The following H2BC5 variants were observed in gnomAD, a reference collection of about 807,000 sequenced individuals.
H2BC5 encodes the protein H2B clustered histone 5.
A neutral mutation model predicts 5.7 loss-of-function variants in H2BC5; 9 were observed. The observed-to-expected ratio is 1.57, with a 90% CI of 0.95 to 2.74. The LOEUF (loss-of-function observed/expected upper bound fraction) is 2.74, where lower values mean the gene tolerates loss of function less well. Among genes scored for constraint, H2BC5 ranks in the 30% most tolerant of loss-of-function variants. H2BC5 has a pLI of 0.00. For synonymous variants in H2BC5, 133 were observed against 70.9 expected, an observed-to-expected ratio of 1.88 and a Z score of -4.40; for missense variants, 175 against 168.8, an observed-to-expected ratio of 1.04 and a Z score of -0.20.
At chr6:26,161,742 A>C (rs1055136593), downstream of H2BC5, among the ~76,000 whole-genome samples, 1 of 152,186 alleles carries the variant, frequency 6.6e-6, no homozygotes, top group Non-Finnish European at 1.5e-5. Context: ...ACTGCACTCC[A>C]GCCTGGGCAA....
chr6:26,166,211 T>C (rs1355384632), intron 1 of H2BC5, among the ~76,000 whole-genome samples: 1 of 152,226 alleles, frequency 6.6e-6, no homozygotes, highest in Non-Finnish European at 1.5e-5. Flanking sequence ...GCCTGTTACC[T>C]TGGCATCTCA....
At chr6:26,162,357 C>A (rs897749678), downstream of H2BC5, among the ~76,000 whole-genome samples, 2 of 152,088 alleles carry the variant, frequency 1.3e-5, no homozygotes, top group African/African-American at 4.8e-5. Context: ...TTGCTTTAAT[C>A]ATCTTACTGT....
At chr6:26,168,288 G>A (rs1373085016) in intron 1 of H2BC5, among the ~76,000 whole-genome samples, 6 of 151,870 alleles carry the variant, frequency 4.0e-5, no homozygotes, top group Non-Finnish European at 8.8e-5. Context: ...GAGAAACCCC[G>A]TCTCTACTAA....
intron 1 of H2BC5, among the ~76,000 whole-genome samples, chr6:26,164,715 C>G (rs1764395398): frequency 6.6e-6 from 1 of 152,038 alleles, no homozygotes; most frequent in Non-Finnish European, 1.5e-5. Flanking sequence ...TCTTCCTGCT[C>G]CCCTTCCAGC....
In H2BC5 at chr6:26,158,149, G is replaced by A; in HGVS notation, c.-21G>A. ...TATTTTCTCAGGTGTTTGCAACAGTGTTCTAACTATTAACGCTACGATGCC... is the reference window on the plus strand; with the variant it reads ...TATTTTCTCAGGTGTTTGCAACAGTATTCTAACTATTAACGCTACGATGCC... On this transcript the variant is annotated 5_prime_UTR_variant, in exon 1 of 1. Coordinates refer to ENST00000377777, the MANE Select transcript of H2BC5 (RefSeq NM_021063.4). 6.2e-7 allele frequency: 1 copy of A among 1,607,378 alleles called. No homozygotes were observed. The highest frequency in any genetic ancestry group is 1.1e-5 in the South Asian group (1 of 90,426).
Position 26,158,442 on chromosome 6 carries a change from C to T in H2BC5, c.273C>T (p.Thr91=), listed in dbSNP as rs757704436. 2.0e-5 allele frequency: 33 copies of T among 1,614,280 alleles called. No homozygotes were observed. Among genetic ancestry groups the T allele is most frequent in the African/African-American group, 8.0e-5 (6 of 75,070 alleles). ...ATTACAACAAGCGCTCGACCATCAC[C>T]TCCAGGGAGATCCAGACGGCCGTGC... ...LAHYNKRSTI[T]SREIQTAVRL... is the part of the protein sequence containing the mutation. Residue 91 remains threonine (T), a synonymous_variant, in exon 1 of 1, where the codon ACC becomes ACT. Coordinates refer to ENST00000377777, the MANE Select transcript of H2BC5 (RefSeq NM_021063.4).
At chr6:26,159,137 A>G (rs1402640719), downstream of H2BC5, among the ~76,000 whole-genome samples, 1 of 151,958 alleles carries the variant, frequency 6.6e-6, no homozygotes, top group Non-Finnish European at 1.5e-5. Flanking sequence ...TGGGGCAGGG[A>G]AAGGCGGATC....
chr6:26,158,718 G>C, downstream of H2BC5: 1 of 1,131,732 alleles, frequency 8.8e-7, no homozygotes, highest in Non-Finnish European at 1.2e-6. Flanking sequence ...AAATAACTTG[G>C]AAGTTACAGG....
At chr6:26,169,325 G>C (rs1311913820) in intron 1 of H2BC5, among the ~76,000 whole-genome samples, 1 of 152,060 alleles carries the variant, frequency 6.6e-6, no homozygotes, top group East Asian at 1.9e-4. Context: ...TGACCTCCTG[G>C]AGCCCTCAGT....
Position 26,158,465 on chromosome 6 carries a change from T to C in H2BC5, c.296T>C (p.Val99Ala). The change falls in exon 1 of 1, where the codon GTG becomes GCG. Residue 99 changes from valine to alanine, a missense_variant. Val to Ala is a moderately conservative substitution (Grantham distance 64). This residue lies in a region of H2BC5 where 43 missense variants were observed against 37.7 expected (regional missense o/e 1.14). Coordinates refer to ENST00000377777, the MANE Select transcript of H2BC5 (RefSeq NM_021063.4). ...ACCTCCAGGGAGATCCAGACGGCCG[T>C]GCGCCTGCTGCTTCCGGGGGAGCTG... ...TITSREIQTA[V>A]RLLLPGELAK... The C allele has an allele frequency of 6.2e-7, 1 of 1,614,220 alleles. No homozygotes were observed. Among genetic ancestry groups the C allele is most frequent in the Non-Finnish European group, 8.5e-7 (1 of 1,180,036 alleles).
At chr6:26,161,955 A>C (rs530454317), downstream of H2BC5, among the ~76,000 whole-genome samples, 1 of 152,314 alleles carries the variant, frequency 6.6e-6, no homozygotes, top group African/African-American at 2.4e-5. Flanking sequence ...TAATATAAGA[A>C]AATAAAAATT....
chr6:26,163,996 T>C (rs895972316), intron 1 of H2BC5: 3 of 344,958 alleles, frequency 8.7e-6, no homozygotes, highest in African/African-American at 4.4e-5. Flanking sequence ...AGAAGTAGAA[T>C]TAAGCTACAC....
chr6:26,161,703 T>C (rs187700663), downstream of H2BC5, among the ~76,000 whole-genome samples: 1 of 152,136 alleles, frequency 6.6e-6, no homozygotes, highest in African/African-American at 2.4e-5. Context: ...GCTAGGGAAA[T>C]CAAGGCTGCA....
chr6:26,159,504 A>G (rs1305239690), downstream of H2BC5, among the ~76,000 whole-genome samples: 3 of 152,092 alleles, frequency 2.0e-5, no homozygotes, highest in African/African-American at 7.2e-5. Context: ...GGATGATGAC[A>G]AAAGGTTTTC....
chr6:26,166,334 T>C (rs1047181685), intron 1 of H2BC5, among the ~76,000 whole-genome samples: 1 of 152,208 alleles, frequency 6.6e-6, no homozygotes, highest in Admixed American at 6.5e-5. Context: ...GCTATGACAG[T>C]GGAATCTGAG....
At position 26,158,430 on chromosome 6, in the gene H2BC5, C is replaced by T. The variant is rs758923227; in HGVS notation, c.261C>T (p.Arg87=). Residue 87 remains arginine (R), a synonymous_variant, in exon 1 of 1, where the codon CGC becomes CGT. Coordinates refer to ENST00000377777, the MANE Select transcript of H2BC5 (RefSeq NM_021063.4). ...EASRLAHYNK[R]STITSREIQT... is the part of the protein sequence containing the mutation. ...CCCGCCTGGCGCATTACAACAAGCG[C>T]TCGACCATCACCTCCAGGGAGATCC... The T allele has an allele frequency of 6.2e-7, 1 of 1,614,158 alleles. No individual in the cohort carries two copies. Among genetic ancestry groups the T allele is most frequent in the African/African-American group, 1.3e-5 (1 of 74,958 alleles).
At chr6:26,159,205 G>C (rs1421078437), downstream of H2BC5, among the ~76,000 whole-genome samples, 4 of 128,182 alleles carry the variant, frequency 3.1e-5, no homozygotes, top group East Asian at 9.8e-4. Flanking sequence ...AAATTCTTTT[G>C]CTAAACCGTC....
rs369746214 is a variant in H2BC5, at chr6:26,164,563, A to C, written c.*9+6004A>C. 1.1e-4 allele frequency among the ~76,000 whole-genome samples: 16 copies of C among 151,510 alleles called. 1 individual carries two copies. The highest frequency in any genetic ancestry group is 3.9e-4 in the East Asian group (2 of 5,092). ...TCTCCTCTATGATTCTTTACATCCT[A>C]ACTTCTTCTGAGAGGGGAGAGCAAG... is the stretch of plus-strand genomic sequence containing the variant. On this transcript the variant is annotated intron_variant, in intron 1 of 1. Transcript: ENST00000289316.
intron 1 of H2BC5, among the ~76,000 whole-genome samples, chr6:26,166,472 C>G (rs73736552): frequency 0.022 from 3,344 of 152,190 alleles, 118 homozygotes; most frequent in African/African-American, 0.07. Context: ...TCCAGCACCA[C>G]AGAAACTTCA....
Sources: gnomAD v4.1 joint callset for allele counts (sites outside exome capture counted in the v4.1 genomes callset) on GRCh38, gnomAD v4.1.1 for gene constraint, gnomAD v4.1.1 regional missense constraint, MANE v1.5 for transcripts, NCBI Gene and HGNC (gene_info 2026-07-23, HGNC 2026-07-21) for gene names.